TSHZ2: variants seen among roughly 807,000 people sequenced by gnomAD.
TSHZ2 encodes teashirt zinc finger homeobox 2.
TSHZ2 carries 21 observed loss-of-function variants against 74.4 expected under a neutral mutation model. The ratio of observed to expected loss-of-function variants is 0.28; its 90% CI spans 0.20 to 0.41. The LOEUF is 0.41. Among genes scored for constraint, TSHZ2 ranks in the 10% least tolerant of loss-of-function variants. TSHZ2 has a pLI of 1.00. For missense variants in TSHZ2, 1,244 were observed against 1,293.5 expected (o/e 0.96, Z 0.59); for synonymous variants, 540 against 515.3 (o/e 1.05, Z -0.65).
At chr20:53,160,100 C>T (rs1468111564) in intron 1 of TSHZ2, among the ~76,000 whole-genome samples, 2 of 152,052 alleles carry the variant, frequency 1.3e-5, no homozygotes, top group South Asian at 2.1e-4. Context: ...ACATAGTAGG[C>T]CCTAGGAAAT....
At chr20:53,261,954 G>A (rs1053114625) in intron 2 of TSHZ2, among the ~76,000 whole-genome samples, 12 of 152,204 alleles carry the variant, frequency 7.9e-5, no homozygotes, top group African/African-American at 2.7e-4. Flanking sequence ...TTAGGTGGTT[G>A]CAGATGAGGA....
intron 2 of TSHZ2, among the ~76,000 whole-genome samples, chr20:53,267,949 G>A (rs1990752826): frequency 6.6e-6 from 1 of 152,170 alleles, no homozygotes; most frequent in Non-Finnish European, 1.5e-5. Context: ...CAGCTGGTGA[G>A]GGTTGAAGGT....
At chr20:53,460,993 TG>T (rs1236497509) in intron 2 of TSHZ2, among the ~76,000 whole-genome samples, 2 of 152,360 alleles carry the variant, frequency 1.3e-5, no homozygotes, top group African/African-American at 4.8e-5. Flanking sequence ...GCTGTCTTTT[TG>T]TTTGTCTGTG....
At chr20:53,366,374 G>A (rs1310356227) in intron 2 of TSHZ2, among the ~76,000 whole-genome samples, 1 of 152,186 alleles carries the variant, frequency 6.6e-6, no homozygotes, top group Non-Finnish European at 1.5e-5. Flanking sequence ...TAAAAGTTAG[G>A]TAGTGGGAAA....
At chr20:53,285,990 T>G (rs926844346) in intron 2 of TSHZ2, among the ~76,000 whole-genome samples, 1 of 152,194 alleles carries the variant, frequency 6.6e-6, no homozygotes, top group Non-Finnish European at 1.5e-5. Flanking sequence ...AGAGGTTTTT[T>G]TTTAAATTGC....
In TSHZ2 at chr20:53,494,516, C is replaced by G. The variant is rs1374172016; in HGVS notation, c.*7381C>G. ...TGTGGTGCCGCAGCATTGAAATTAT[C>G]TGTAGAAGGGGAATTTTTTTTAAAA... On this transcript the variant is annotated 3_prime_UTR_variant, in exon 3 of 3. Coordinates refer to ENST00000371497, the MANE Select transcript of TSHZ2 (RefSeq NM_173485.6). 1 of 152,042 alleles carries G rather than the reference C, an allele frequency of 6.6e-6. No homozygotes were observed. The highest frequency in any genetic ancestry group is 1.5e-5 in the Non-Finnish European group (1 of 68,028). 9.4% of individuals were successfully genotyped at this position (152,042 alleles called of 1,614,324 possible). A position where few individuals can be genotyped will look rare whatever the true frequency, so the allele number is the denominator to read the frequency against.
At chr20:53,207,771 G>A (rs1205796934) in intron 1 of TSHZ2, among the ~76,000 whole-genome samples, 1 of 151,938 alleles carries the variant, frequency 6.6e-6, no homozygotes, top group Non-Finnish European at 1.5e-5. Flanking sequence ...TGGGCTCCTG[G>A]GCTCAAGCAA....
At chr20:53,391,469 T>G (rs1982255183) in intron 2 of TSHZ2, among the ~76,000 whole-genome samples, 1 of 151,454 alleles carries the variant, frequency 6.6e-6, no homozygotes, top group African/African-American at 2.4e-5. Flanking sequence ...TTTGTTTGTT[T>G]TTTGTTTTTG....
At chr20:52,986,554 C>T (rs1390636425) in intron 1 of TSHZ2, among the ~76,000 whole-genome samples, 1 of 151,926 alleles carries the variant, frequency 6.6e-6, no homozygotes, top group African/African-American at 2.4e-5. Context: ...GATGATGAAA[C>T]CCCATCTCTA....
intron 2 of TSHZ2, among the ~76,000 whole-genome samples, chr20:53,387,690 C>T (rs1982099380): frequency 6.6e-6 from 1 of 152,124 alleles, no homozygotes. Context: ...ATTGTTGCCT[C>T]TCGCCTGCAG....
At chr20:53,251,705 T>TTTA (rs1360211385) in intron 1 of TSHZ2, among the ~76,000 whole-genome samples, 2 of 152,298 alleles carry the variant, frequency 1.3e-5, no homozygotes, top group Middle Eastern at 3.4e-3. Context: ...CTAGACTGAA[T>TTTA]TTATACATTT....
At chr20:53,003,268 G>GTGTGTGTGTGTGTGTGTGTGTT (rs1386153029) in intron 1 of TSHZ2, among the ~76,000 whole-genome samples, 1 of 150,256 alleles carries the variant, frequency 6.7e-6, no homozygotes, top group African/African-American at 2.5e-5. Context: ...GTGTGTGTGT[G>GTGTGTGTGTGTGTGTGTGTGTT]TGTGTGTGTG....
At chr20:53,450,628 G>C (rs752618318) in intron 2 of TSHZ2, among the ~76,000 whole-genome samples, 1 of 152,126 alleles carries the variant, frequency 6.6e-6, no homozygotes, top group Non-Finnish European at 1.5e-5. Context: ...TGCTCAAGCA[G>C]TCTTCTCGCC....
intron 1 of TSHZ2, among the ~76,000 whole-genome samples, chr20:53,234,706 G>A (rs1223258438): frequency 1.3e-5 from 2 of 152,120 alleles, no homozygotes; most frequent in Non-Finnish European, 2.9e-5. Flanking sequence ...AGATGGGAAT[G>A]TTCCTGGCTT....
chr20:53,022,352 T>C lies in TSHZ2; in HGVS notation c.40+49019T>C, dbSNP rs371647890. On this transcript the variant is annotated intron_variant, in intron 1 of 2. Coordinates refer to ENST00000371497, the MANE Select transcript of TSHZ2 (RefSeq NM_173485.6). ...CTTTTAGGGAAGTAAATTTCAGAGCTCAGCAGGTTGACAGTGTCTCTTCAA... is the reference window on the plus strand; with the variant it reads ...CTTTTAGGGAAGTAAATTTCAGAGCCCAGCAGGTTGACAGTGTCTCTTCAA... 2.0e-5 allele frequency among the ~76,000 whole-genome samples: 3 copies of C among 152,176 alleles called. No homozygotes were observed. In the South Asian group the frequency reaches 6.2e-4, roughly 31 times the overall value.
chr20:53,371,898 AAG>A, intron 2 of TSHZ2, among the ~76,000 whole-genome samples: 1 of 151,292 alleles, frequency 6.6e-6, no homozygotes, highest in South Asian at 2.1e-4. Context: ...AGAAAAAAAA[AAG>A]AGTCAGCAGG....
At chr20:53,480,142 C>T (rs564790709) in intron 2 of TSHZ2, among the ~76,000 whole-genome samples, 18 of 149,928 alleles carry the variant, frequency 1.2e-4, no homozygotes, top group Non-Finnish European at 2.5e-4. Context: ...GATCTCGACT[C>T]ACTGCAACCT....
At chr20:53,371,471 G>A (rs988336126) in intron 2 of TSHZ2, among the ~76,000 whole-genome samples, 14 of 152,306 alleles carry the variant, frequency 9.2e-5, no homozygotes, top group Middle Eastern at 3.4e-3. Flanking sequence ...AGTGTTAGGC[G>A]GTGTATTTGT....
chr20:53,145,180 G>A (rs1398449964), intron 1 of TSHZ2, among the ~76,000 whole-genome samples: 3 of 152,150 alleles, frequency 2.0e-5, no homozygotes, highest in African/African-American at 7.2e-5. Context: ...TGTCTCTCAA[G>A]ACAAGTCCAA....
Sources: allele counts gnomAD v4.1 joint callset (sites outside exome capture counted in the v4.1 genomes callset), GRCh38; gene constraint gnomAD v4.1.1; transcripts MANE v1.5; gene names NCBI Gene and HGNC (gene_info 2026-07-23, HGNC 2026-07-21).